The following ATP8A1 variants were observed in gnomAD, a reference collection of about 807,000 sequenced individuals.
The protein encoded by ATP8A1 is phospholipid-transporting ATPase IA.
In ATP8A1, 90 loss-of-function variants were observed where a neutral mutation model predicts 177.7. The ratio of observed to expected loss-of-function variants is 0.51; its 90% CI spans 0.43 to 0.60. The LOEUF is 0.60. ATP8A1 is among the 20% of genes least tolerant of loss of function. The pLI, the probability that ATP8A1 is intolerant of heterozygous loss-of-function variation, is 0.00. For synonymous variants in ATP8A1, 493 were observed against 485.9 expected, an observed-to-expected ratio of 1.01 and a Z score of -0.19; for missense variants, 1,072 against 1,392.8, an observed-to-expected ratio of 0.77 and a Z score of 3.67.
chr4:42,450,657 AATCTT>A (rs1440512703), intron 30 of ATP8A1, among the ~76,000 whole-genome samples: 1 of 152,198 alleles, frequency 6.6e-6, no homozygotes, highest in African/African-American at 2.4e-5. Context: ...AGGAGATTAA[AATCTT>A]AGCTAGAATA....
At chr4:42,549,798 C>T (rs1199804165) in intron 18 of ATP8A1, among the ~76,000 whole-genome samples, 1 of 151,620 alleles carries the variant, frequency 6.6e-6, no homozygotes, top group South Asian at 2.1e-4. Flanking sequence ...GACCCCATCT[C>T]TAAAAAAAAT....
chr4:42,571,826 A>C (rs1731936094), intron 14 of ATP8A1, among the ~76,000 whole-genome samples: 1 of 152,354 alleles, frequency 6.6e-6, no homozygotes, highest in Admixed American at 6.5e-5. Context: ...AACTATGTAC[A>C]AATCTATTTT....
chr4:42,427,148 G>GA lies in ATP8A1; in HGVS notation c.3124-3444dup, dbSNP rs917314010. On this transcript the variant is annotated intron_variant, in intron 33 of 36. Transcript: ENST00000381668. The stretch of plus-strand genomic sequence containing the variant: ...AAGGCTTCCAAAGCTTAAAAACAGT[G>GA]AAAAAAAACTATGAAAGGATGCTTT... Among the ~76,000 whole-genome samples the GA allele has an allele frequency of 1.1e-4, 16 of 151,720 alleles. No homozygotes were observed. In the East Asian group the frequency reaches 1.5e-3, roughly 15 times the overall value.
chr4:42,597,622 A>G (rs1734844187), intron 6 of ATP8A1, among the ~76,000 whole-genome samples: 1 of 152,190 alleles, frequency 6.6e-6, no homozygotes, highest in African/African-American at 2.4e-5. Flanking sequence ...ATAATTTATA[A>G]AACTGTCCCT....
At chr4:42,484,826 T>C (rs1454234126) in intron 25 of ATP8A1, among the ~76,000 whole-genome samples, 1 of 152,198 alleles carries the variant, frequency 6.6e-6, no homozygotes, top group African/African-American at 2.4e-5. Context: ...TTAGTTTTCA[T>C]GGTGATCACA....
In ATP8A1 at chr4:42,654,258, T is replaced by A. The variant is rs187023364; in HGVS notation, c.49+2567A>T. On this transcript the variant is annotated intron_variant, in intron 1 of 36. Coordinates refer to ENST00000381668, the MANE Select transcript of ATP8A1 (RefSeq NM_006095.2). Reference sequence around the variant, plus strand: ...CACAGGTCCTGCGTCCCCCACAGCATGCACAATATTTAATTAACAACATCC... The same window carrying A: ...CACAGGTCCTGCGTCCCCCACAGCAAGCACAATATTTAATTAACAACATCC... Among the ~76,000 whole-genome samples the A allele has an allele frequency of 2.9e-4, 44 of 152,296 alleles. 1 individual carries two copies. In the East Asian group the frequency reaches 7.7e-3, roughly 27 times the overall value.
At chr4:42,527,791 A>T (rs2153200430) in intron 20 of ATP8A1, among the ~76,000 whole-genome samples, 1 of 152,288 alleles carries the variant, frequency 6.6e-6, no homozygotes. Context: ...AAAAACAGAG[A>T]ATCACAGTCC....
chr4:42,563,797 C>G (rs948605156), intron 15 of ATP8A1, among the ~76,000 whole-genome samples: 5 of 152,150 alleles, frequency 3.3e-5, no homozygotes, highest in Admixed American at 1.3e-4. Flanking sequence ...ACACAGAAAT[C>G]AAGAATTGAG....
rs371765746 is a variant in ATP8A1, at chr4:42,646,848, A to G, written c.49+9977T>C. Among the ~76,000 whole-genome samples the G allele has an allele frequency of 6.2e-4, 95 of 152,350 alleles. 1 individual carries two copies. Among genetic ancestry groups the G allele is most frequent in the African/African-American group, 2.1e-3 (88 of 41,586 alleles). Reference sequence around the variant, plus strand: ...ACAGACACCTCTCTTTGCCAAGTCAATTAGAGGTCTAATTAATCCATGAAG... The same window carrying G: ...ACAGACACCTCTCTTTGCCAAGTCAGTTAGAGGTCTAATTAATCCATGAAG... On this transcript the variant is annotated intron_variant, in intron 1 of 36. Transcript: ENST00000381668.
At chr4:42,611,268 T>A (rs1459720420) in intron 5 of ATP8A1, among the ~76,000 whole-genome samples, 1 of 152,164 alleles carries the variant, frequency 6.6e-6, no homozygotes, top group Admixed American at 6.5e-5. Context: ...AAGGTGAATA[T>A]GAGTCGATTT....
At chr4:42,471,487 C>T (rs1720407799) in intron 25 of ATP8A1, among the ~76,000 whole-genome samples, 1 of 152,196 alleles carries the variant, frequency 6.6e-6, no homozygotes, top group Admixed American at 6.5e-5. Flanking sequence ...AAACGTACTG[C>T]CTTCTGCTTC....
At chr4:42,577,255 A>G (rs1340287665) in intron 12 of ATP8A1, among the ~76,000 whole-genome samples, 2 of 152,208 alleles carry the variant, frequency 1.3e-5, no homozygotes, top group Admixed American at 6.5e-5. Context: ...AGAAACTTCA[A>G]TAAGTCTTAC....
At chr4:42,530,979 C>T (rs867101214) in intron 20 of ATP8A1, among the ~76,000 whole-genome samples, 45 of 152,260 alleles carry the variant, frequency 3.0e-4, no homozygotes, top group African/African-American at 1.1e-3. Flanking sequence ...TCAGGAGACA[C>T]AACAATGATT....
chr4:42,507,136 C>T lies in ATP8A1; in HGVS notation c.1966G>A (p.Ala656Thr), dbSNP rs778720044. The T allele has an allele frequency of 6.2e-7, 1 of 1,612,886 alleles. No homozygotes were observed. The highest frequency in any genetic ancestry group is 8.5e-7 in the Non-Finnish European group (1 of 1,179,730). ...LIEKNLQLLG[A>T]TAIEDKLQDQ... ...TGTAATTTATCCTCAATGGCTGTTG[C>T]TCCAAGTAGCTGAAGATTCTGAAAA... The change falls in exon 23 of 37, where the codon GCA becomes ACA. Residue 656 changes from alanine to threonine, a missense_variant. Ala to Thr is a moderately conservative substitution (Grantham distance 58, BLOSUM62 0). Around this residue, in one of 5 missense-constraint regions of ATP8A1, gnomAD observed 388 missense variants for 471.7 expected, o/e 0.82. Transcript: ENST00000381668.
chr4:42,519,527 T>C (rs990361409), intron 22 of ATP8A1, among the ~76,000 whole-genome samples: 5 of 152,240 alleles, frequency 3.3e-5, no homozygotes, highest in African/African-American at 1.2e-4. Flanking sequence ...GCCACCTTTT[T>C]GGGTTCCTTA....
chr4:42,452,878 T>C (rs759427883), intron 29 of ATP8A1, among the ~76,000 whole-genome samples: 2 of 152,234 alleles, frequency 1.3e-5, no homozygotes, highest in South Asian at 2.1e-4. Flanking sequence ...CATGTATTAA[T>C]AGTTTTAAGC....
At chr4:42,475,533 G>A (rs192879518) in intron 25 of ATP8A1, among the ~76,000 whole-genome samples, 2 of 149,474 alleles carry the variant, frequency 1.3e-5, no homozygotes, top group Non-Finnish European at 3.0e-5. Flanking sequence ...AGGCCATAAC[G>A]GTCAGAGAGA....
chr4:42,488,366 G>A (rs2153189842), intron 24 of ATP8A1, among the ~76,000 whole-genome samples: 1 of 151,910 alleles, frequency 6.6e-6, no homozygotes, highest in East Asian at 1.9e-4. Context: ...TGAAATTTCT[G>A]CGGTAGCCTG....
intron 22 of ATP8A1, among the ~76,000 whole-genome samples, chr4:42,517,812 C>G (rs1578091863): frequency 1.3e-5 from 2 of 152,142 alleles, no homozygotes; most frequent in Non-Finnish European, 2.9e-5. Context: ...TGGAACAGAG[C>G]TGATAATTAT....
Sources: gnomAD v4.1 joint callset for allele counts (sites outside exome capture counted in the v4.1 genomes callset) on GRCh38, gnomAD v4.1.1 for gene constraint, gnomAD v4.1.1 regional missense constraint, MANE v1.5 for transcripts, NCBI Gene and HGNC (gene_info 2026-07-23, HGNC 2026-07-21) for gene names.